FRRS1: variants seen among roughly 807,000 people sequenced by gnomAD.
The protein encoded by FRRS1 is ferric reductase 1.
A neutral mutation model predicts 70.7 loss-of-function variants in FRRS1; 51 were observed. The ratio of observed to expected loss-of-function variants is 0.72; its 90% CI spans 0.58 to 0.91. FRRS1 has a LOEUF of 0.91. Among genes scored for constraint, FRRS1 ranks in the 40% least tolerant of loss-of-function variants. FRRS1 has a pLI of 0.00. For synonymous variants in FRRS1, 225 were observed against 238.7 expected (o/e 0.94, Z 0.53); for missense variants, 672 against 726.0 (o/e 0.93, Z 0.86).
chr1:99,740,548 A>AT (rs1336579787), intron 6 of FRRS1, among the ~76,000 whole-genome samples: 1 of 152,174 alleles, frequency 6.6e-6, no homozygotes, highest in Non-Finnish European at 1.5e-5. Flanking sequence ...GTAATGTCTT[A>AT]TTTTGTTTAC....
At position 99,742,201 on chromosome 1, in the gene FRRS1, C is replaced by A; in HGVS notation, c.406G>T (p.Ala136Ser). 1 of 1,607,786 alleles carries A rather than the reference C, an allele frequency of 6.2e-7. No individual in the cohort carries two copies. The highest frequency in any genetic ancestry group is 8.5e-7 in the Non-Finnish European group (1 of 1,174,290). ...IKVYWNAPSSAPNHTQFLVTV... is the reference protein window; with the variant it reads ...IKVYWNAPSSSPNHTQFLVTV... ...CACAGAAACTGTGTGTGATTTGGAG[C>A]ACTGCTTGGAGCATTCCAGTAGACT... The change falls in exon 5 of 17, where the codon GCT (alanine) becomes TCT (serine). Residue 136 changes from alanine (A) to serine (S), a missense_variant. Transcript: ENST00000646001.
intron 1 of FRRS1, among the ~76,000 whole-genome samples, chr1:99,751,749 G>C (rs1405514471): frequency 6.6e-6 from 1 of 151,970 alleles, no homozygotes; most frequent in Non-Finnish European, 1.5e-5. Flanking sequence ...TGCAAGAAAA[G>C]TGAAAAGAAA....
chr1:99,727,354 C>T (rs1655124332), intron 9 of FRRS1, among the ~76,000 whole-genome samples: 1 of 152,142 alleles, frequency 6.6e-6, no homozygotes, highest in African/African-American at 2.4e-5. Context: ...TTTGCTATTG[C>T]TGGTGCAAAC....
At chr1:99,732,364 A>G (rs1655434644) in intron 7 of FRRS1, among the ~76,000 whole-genome samples, 1 of 152,188 alleles carries the variant, frequency 6.6e-6, no homozygotes, top group African/African-American at 2.4e-5. Context: ...CTATGAGAGA[A>G]CATTAAGCTG....
Position 99,742,253 on chromosome 1 carries a change from T to A in FRRS1, c.354A>T (p.Arg118Ser). Residue 118 changes from arginine to serine, a missense_variant, in exon 5 of 17, where the codon AGA (arginine) becomes AGT (serine). Arg to Ser is a moderately radical substitution (Grantham distance 110). Transcript: ENST00000646001. ...EDIQGSAVSHRSASKKTEIKV... is the reference protein window; with the variant it reads ...EDIQGSAVSHSSASKKTEIKV... ...TAATTTCTGTTTTTTTAGATGCACTTCTGTGACTCACTGCTGATCCCTGAA... is the reference window on the plus strand; with the variant it reads ...TAATTTCTGTTTTTTTAGATGCACTACTGTGACTCACTGCTGATCCCTGAA... The A allele has an allele frequency of 6.2e-7, 1 of 1,608,562 alleles. No homozygotes were observed. Among genetic ancestry groups the A allele is most frequent in the Non-Finnish European group, 8.5e-7 (1 of 1,174,998 alleles).
chr1:99,706,092 T>C lies in FRRS1; in HGVS notation c.*2936A>G, dbSNP rs946051593. On this transcript the variant is annotated 3_prime_UTR_variant, in exon 17 of 17. Transcript: ENST00000646001. ...AATAATTTGGTTCTAATCAAAAGAT[T>C]TGGTCTATTTGGGGCCAGGTGCAAT... Among the ~76,000 whole-genome samples the C allele has an allele frequency of 3.3e-5, 5 of 151,980 alleles. No individual in the cohort carries two copies. Among genetic ancestry groups the C allele is most frequent in the African/African-American group, 4.8e-5 (2 of 41,378 alleles).
In FRRS1 at chr1:99,710,800, G is replaced by C. The variant is rs1654235372; in HGVS notation, c.1624+6C>G. The stretch of plus-strand genomic sequence containing the variant: ...TCTACATAACATGGCTTTTTTACCA[G>C]GTTACCTTTGCGAGAGAGCCGATAA... On this transcript the variant is annotated splice_donor_region_variant and intron_variant, in intron 15 of 16. Coordinates refer to ENST00000646001, the MANE Select transcript of FRRS1 (RefSeq NM_001361041.2). 6.2e-7 allele frequency: 1 copy of C among 1,612,358 alleles called. No individual in the cohort carries two copies. Among genetic ancestry groups the C allele is most frequent in the South Asian group, 1.1e-5 (1 of 90,642 alleles).
At chr1:99,752,157 G>A (rs1316825458) in intron 1 of FRRS1, among the ~76,000 whole-genome samples, 1 of 152,074 alleles carries the variant, frequency 6.6e-6, no homozygotes, top group Non-Finnish European at 1.5e-5. Context: ...TCAACAATAA[G>A]GCTGTTTTGC....
At chr1:99,717,307 TGCAACC>T in intron 11 of FRRS1, 97 bp downstream of exon 11, 1 of 786,862 alleles carries the variant, frequency 1.3e-6, no homozygotes, top group Admixed American at 1.9e-5. Context: ...AACCTACAAC[TGCAACC>T]ACAAAACGCA....
In FRRS1 at chr1:99,708,730, T is replaced by G. The variant is rs560473814; in HGVS notation, c.*298A>C. 2.1e-6 allele frequency: 1 copy of G among 479,648 alleles called. No individual in the cohort carries two copies. The highest frequency in any genetic ancestry group is 2.0e-5 in the African/African-American group (1 of 50,850). 29.7% of individuals were successfully genotyped at this position (479,648 alleles called of 1,614,324 possible). ...TTTTCCAAATCACTATTTATTTTCT[T>G]AAATACCAACATTCTTAAAATCTTG... On this transcript the variant is annotated 3_prime_UTR_variant, in exon 17 of 17. Coordinates refer to ENST00000646001, the MANE Select transcript of FRRS1 (RefSeq NM_001361041.2).
At chr1:99,755,345 T>C (rs1656779704) in intron 1 of FRRS1, among the ~76,000 whole-genome samples, 2 of 151,688 alleles carry the variant, frequency 1.3e-5, no homozygotes, top group Middle Eastern at 3.5e-3. Flanking sequence ...ATGGGCTCCT[T>C]GAATCCAAGA....
At chr1:99,763,609 C>T (rs1276255633) in intron 1 of FRRS1, among the ~76,000 whole-genome samples, 2 of 152,106 alleles carry the variant, frequency 1.3e-5, no homozygotes, top group Non-Finnish European at 2.9e-5. Flanking sequence ...TGGCTGACAC[C>T]TGTAATCCCA....
At chr1:99,715,948 C>T (rs1654502155) in intron 11 of FRRS1, among the ~76,000 whole-genome samples, 1 of 152,160 alleles carries the variant, frequency 6.6e-6, no homozygotes, top group African/African-American at 2.4e-5. Flanking sequence ...ATATTTCACA[C>T]ACAGAGCATA....
chr1:99,746,343 C>T (rs1277365950), intron 4 of FRRS1, among the ~76,000 whole-genome samples: 4 of 152,140 alleles, frequency 2.6e-5, no homozygotes, highest in Non-Finnish European at 5.9e-5. Context: ...AAGGATTACA[C>T]CATTGAAGAT....
chr1:99,725,146 C>T (rs986072900), intron 9 of FRRS1, among the ~76,000 whole-genome samples: 2 of 152,032 alleles, frequency 1.3e-5, no homozygotes, highest in Non-Finnish European at 1.5e-5. Context: ...CAATGGGGTT[C>T]GTGCTCCTAT....
intron 9 of FRRS1, among the ~76,000 whole-genome samples, chr1:99,723,260 A>G (rs1654923811): frequency 6.6e-6 from 1 of 152,090 alleles, no homozygotes; most frequent in Non-Finnish European, 1.5e-5. Flanking sequence ...TTCAATCACA[A>G]CCCCAACAGG....
intron 4 of FRRS1, among the ~76,000 whole-genome samples, chr1:99,743,233 T>C (rs111819778): frequency 1.3e-3 from 194 of 152,296 alleles, no homozygotes; most frequent in African/African-American, 4.4e-3. Flanking sequence ...CAATACATGG[T>C]TAATGTCATC....
In FRRS1 at chr1:99,740,807, G is replaced by T; in HGVS notation, c.562C>A (p.His188Asn). 1 of 1,610,204 alleles carries T rather than the reference G, an allele frequency of 6.2e-7. No individual in the cohort carries two copies. Among genetic ancestry groups the T allele is most frequent in the Non-Finnish European group, 8.5e-7 (1 of 1,176,444 alleles). Residue 188 changes from histidine to asparagine, a missense_variant, in exon 6 of 17, where the codon CAC (histidine) becomes AAC (asparagine). His to Asn is a moderately conservative substitution (Grantham distance 68). Coordinates refer to ENST00000646001, the MANE Select transcript of FRRS1 (RefSeq NM_001361041.2). ...VPLPTLPPVS[H>N]LTKPFSASDC... ...TTGTTACTTACTGGTTTGGTTAAGT[G>T]GGAAACGGGAGGTAACGTTGGCAAA...
At chr1:99,749,570 A>C (rs897382090) in intron 1 of FRRS1, among the ~76,000 whole-genome samples, 2 of 152,220 alleles carry the variant, frequency 1.3e-5, no homozygotes, top group African/African-American at 4.8e-5. Context: ...GATCATGATG[A>C]CTGGGTGGAT....
Sources: gnomAD v4.1 joint callset for allele counts (sites outside exome capture counted in the v4.1 genomes callset) on GRCh38, gnomAD v4.1.1 for gene constraint, MANE v1.5 for transcripts, NCBI Gene and HGNC (gene_info 2026-07-23, HGNC 2026-07-21) for gene names.